The following NRCAM variants were observed in gnomAD, a reference collection of about 807,000 sequenced individuals.
NRCAM encodes the protein NgCAM-related cell adhesion molecule.
In NRCAM, 83 loss-of-function variants were observed where a neutral mutation model predicts 156.5. The ratio of observed to expected loss-of-function variants is 0.53; its 90% confidence interval spans 0.44 to 0.64. The LOEUF is 0.64. NRCAM is among the 30% of genes least tolerant of loss of function. The pLI is 0.00. For synonymous variants in NRCAM, 538 were observed against 563.9 expected, an observed-to-expected ratio of 0.95 and a Z score of 0.65; for missense variants, 1,417 against 1,597.3, an observed-to-expected ratio of 0.89 and a Z score of 1.92.
chr7:108,229,692 T>C (rs769525655), intron 8 of NRCAM, among the ~76,000 whole-genome samples: 4 of 152,146 alleles, frequency 2.6e-5, no homozygotes, highest in Non-Finnish European at 4.4e-5. Flanking sequence ...TCCTTCTGAC[T>C]CAGGTATCTC....
intron 11 of NRCAM, among the ~76,000 whole-genome samples, chr7:108,212,873 C>T (rs1442711993): frequency 2.6e-5 from 4 of 152,154 alleles, no homozygotes; most frequent in Non-Finnish European, 5.9e-5. Context: ...GGGACCTAGA[C>T]ATTCAAATAC....
intron 1 of NRCAM, among the ~76,000 whole-genome samples, chr7:108,421,638 T>C (rs895767871): frequency 3.9e-5 from 6 of 152,226 alleles, no homozygotes; most frequent in Non-Finnish European, 7.3e-5. Context: ...ATGATGTCAA[T>C]TCTGTTTATT....
At chr7:108,188,668 C>T (rs989374712) in intron 20 of NRCAM, among the ~76,000 whole-genome samples, 3 of 149,620 alleles carry the variant, frequency 2.0e-5, no homozygotes, top group African/African-American at 7.4e-5. Flanking sequence ...GCCATCTAAC[C>T]AGCTAACTCT....
chr7:108,440,814 C>T (rs573560128), intron 1 of NRCAM, among the ~76,000 whole-genome samples: 134 of 152,300 alleles, frequency 8.8e-4, no homozygotes, highest in African/African-American at 3.1e-3. Context: ...GAATGCCTTT[C>T]AAGTCTCTGG....
chr7:108,343,829 T>A (rs115287057), intron 2 of NRCAM, among the ~76,000 whole-genome samples: 11,366 of 152,166 alleles, frequency 0.075, 432 homozygotes, highest in East Asian at 0.11. Context: ...AATGAAATAA[T>A]CCCCTACACT....
At chr7:108,366,139 A>G (rs927962961) in intron 2 of NRCAM, among the ~76,000 whole-genome samples, 2 of 151,970 alleles carry the variant, frequency 1.3e-5, no homozygotes, top group Admixed American at 1.3e-4. Context: ...CCAGTCACTG[A>G]CTCTGTCCGT....
At chr7:108,170,088 A>T (rs2057501331) in intron 28 of NRCAM, among the ~76,000 whole-genome samples, 1 of 152,152 alleles carries the variant, frequency 6.6e-6, no homozygotes, top group Admixed American at 6.5e-5. Context: ...CGACTCTCCT[A>T]AATTCATTGC....
chr7:108,430,313 A>T (rs1045321579), intron 1 of NRCAM, among the ~76,000 whole-genome samples: 1 of 152,230 alleles, frequency 6.6e-6, no homozygotes, highest in African/African-American at 2.4e-5. Context: ...TAGAGAGAAC[A>T]GGAGGCTCTC....
intron 2 of NRCAM, among the ~76,000 whole-genome samples, chr7:108,325,748 A>G (rs2099061715): frequency 1.3e-5 from 2 of 152,068 alleles, no homozygotes; most frequent in Admixed American, 6.6e-5. Context: ...TTCATGCTAT[A>G]TCCCCAGTGC....
At chr7:108,159,683 C>A in intron 31 of NRCAM, 142 bp from the exon 32 acceptor site, 1 of 613,206 alleles carries the variant, frequency 1.6e-6, no homozygotes. Context: ...TATATGGTGG[C>A]CATGCATATA....
chr7:108,421,672 T>C (rs1376706661), intron 1 of NRCAM, among the ~76,000 whole-genome samples: 2 of 152,234 alleles, frequency 1.3e-5, no homozygotes, highest in Non-Finnish European at 2.9e-5. Context: ...AGGTATTGTT[T>C]TCCCTGTATT....
At chr7:108,440,182 C>T (rs1040873529) in intron 1 of NRCAM, among the ~76,000 whole-genome samples, 5 of 152,060 alleles carry the variant, frequency 3.3e-5, no homozygotes, top group East Asian at 1.9e-4. Context: ...ACCACTGATA[C>T]GTGTTACAAC....
intron 3 of NRCAM, among the ~76,000 whole-genome samples, chr7:108,270,778 G>A (rs1313303958): frequency 6.6e-6 from 1 of 152,214 alleles, no homozygotes; most frequent in Non-Finnish European, 1.5e-5. Flanking sequence ...GTCAGAGAGG[G>A]ACAAGTATTG....
At chr7:108,456,575 C>T (rs2154513573), upstream of NRCAM, 1 of 152,474 alleles carries the variant, frequency 6.6e-6, no homozygotes, top group Non-Finnish European at 1.5e-5. Flanking sequence ...CCTCCGCCTC[C>T]TCCCCTCCTG....
At chr7:108,159,779 A>G (rs1285963343) in intron 31 of NRCAM, among the ~76,000 whole-genome samples, 1 of 152,048 alleles carries the variant, frequency 6.6e-6, no homozygotes, top group African/African-American at 2.4e-5. Flanking sequence ...CACCTGATAA[A>G]TAATTTTTAA....
chr7:108,421,798 G>A (rs954219909), intron 1 of NRCAM, among the ~76,000 whole-genome samples: 3 of 152,108 alleles, frequency 2.0e-5, no homozygotes, highest in Non-Finnish European at 2.9e-5. Flanking sequence ...TGACCAAACT[G>A]CACAGTTTAT....
intron 17 of NRCAM, among the ~76,000 whole-genome samples, chr7:108,193,048 G>T (rs552348937): frequency 1.3e-5 from 2 of 152,156 alleles, no homozygotes; most frequent in Admixed American, 1.3e-4. Context: ...TTAAAGACAG[G>T]GTCTCACTCT....
intron 3 of NRCAM, among the ~76,000 whole-genome samples, chr7:108,293,072 C>G (rs149141745): frequency 1.3e-5 from 2 of 152,146 alleles, no homozygotes; most frequent in African/African-American, 4.8e-5. Context: ...AGAGGTCAAC[C>G]CAGAAAACGG....
At position 108,397,661 on chromosome 7, in the gene NRCAM, T is replaced by C. The variant is rs577651827; in HGVS notation, c.-174+1775A>G. On this transcript the variant is annotated intron_variant, in intron 2 of 32. Transcript: ENST00000379028. The stretch of plus-strand genomic sequence containing the variant: ...CTGGGCAGAGCAATGAAAGTGAGAA[T>C]TTGACAAAAAATCATGATTGATACT... Among the ~76,000 whole-genome samples the C allele has an allele frequency of 4.9e-4, 74 of 152,296 alleles. 1 individual carries two copies. In the South Asian group the frequency reaches 9.9e-3, roughly 20 times the overall value.
Sources: gnomAD v4.1 joint callset for allele counts (sites outside exome capture counted in the v4.1 genomes callset) on GRCh38, gnomAD v4.1.1 for gene constraint, MANE v1.5 for transcripts, NCBI Gene and HGNC (gene_info 2026-07-23, HGNC 2026-07-21) for gene names.